CCDC6: variants seen among roughly 807,000 people sequenced by gnomAD.
The protein encoded by CCDC6 is coiled-coil domain containing 6.
In CCDC6, 20 loss-of-function variants were observed where a neutral mutation model predicts 56.6. The observed-to-expected ratio is 0.35, with a 90% CI of 0.25 to 0.51. CCDC6 has a LOEUF of 0.51. Ranked by LOEUF, CCDC6 falls within the 20% of genes least tolerant of loss-of-function variation. CCDC6 has a pLI of 0.95. For missense variants in CCDC6, 367 were observed against 601.1 expected (o/e 0.61, Z 4.07); for synonymous variants, 241 against 234.4 (o/e 1.03, Z -0.26).
chr10:59,844,871 C>T (rs1175251852), intron 2 of CCDC6, among the ~76,000 whole-genome samples: 1 of 151,768 alleles, frequency 6.6e-6, no homozygotes, highest in African/African-American at 2.4e-5. Context: ...CCAAAGAATT[C>T]ATTCTAAGCT....
At chr10:59,832,916 CAAAT>C (rs973028625) in intron 2 of CCDC6, among the ~76,000 whole-genome samples, 1 of 152,134 alleles carries the variant, frequency 6.6e-6, no homozygotes, top group African/African-American at 2.4e-5. Context: ...TATAGGCATA[CAAAT>C]AAATTTTTAA....
At chr10:59,824,060 T>G (rs551378691) in intron 3 of CCDC6, among the ~76,000 whole-genome samples, 6 of 152,312 alleles carry the variant, frequency 3.9e-5, no homozygotes, top group Admixed American at 2.6e-4. Flanking sequence ...TCATGTAACA[T>G]CATCTGTACA....
intron 5 of CCDC6, among the ~76,000 whole-genome samples, chr10:59,807,752 G>C (rs1025544954): frequency 6.6e-6 from 1 of 152,106 alleles, no homozygotes; most frequent in Non-Finnish European, 1.5e-5. Context: ...GCTGGGAAAG[G>C]AGGGAGGCCC....
chr10:59,826,300 T>C (rs964700997), intron 3 of CCDC6, among the ~76,000 whole-genome samples: 9 of 152,222 alleles, frequency 5.9e-5, no homozygotes, highest in African/African-American at 2.2e-4. Context: ...TTACTCTATA[T>C]AGTACCTGCA....
intron 5 of CCDC6, among the ~76,000 whole-genome samples, chr10:59,808,277 G>T (rs1236061132): frequency 6.6e-6 from 1 of 152,108 alleles, no homozygotes; most frequent in African/African-American, 2.4e-5. Context: ...TCTTTATGGG[G>T]ATCCAGGGTC....
At chr10:59,865,460 T>C (rs140767671) in intron 1 of CCDC6, among the ~76,000 whole-genome samples, 20 of 152,098 alleles carry the variant, frequency 1.3e-4, no homozygotes, top group Non-Finnish European at 2.9e-4. Context: ...TTAAAGGAAA[T>C]TAAAAACAAC....
intron 1 of CCDC6, among the ~76,000 whole-genome samples, chr10:59,865,873 A>AAAAAAG (rs2071172624): frequency 1.3e-5 from 2 of 151,496 alleles, no homozygotes; most frequent in African/African-American, 4.9e-5. Flanking sequence ...AAAAAAAAAA[A>AAAAAAG]AGAATACCAT....
intron 1 of CCDC6, among the ~76,000 whole-genome samples, chr10:59,890,170 A>G (rs989275304): frequency 3.3e-5 from 5 of 152,162 alleles, no homozygotes; most frequent in African/African-American, 9.7e-5. Flanking sequence ...TCCCAGTACC[A>G]CTGCAGGCTG....
intron 2 of CCDC6, among the ~76,000 whole-genome samples, chr10:59,848,198 C>T (rs1364389622): frequency 6.6e-6 from 1 of 152,196 alleles, no homozygotes; most frequent in African/African-American, 2.4e-5. Context: ...AAACTGGAAT[C>T]ACTGGGTAAG....
At chr10:59,870,012 G>C (rs2071214549) in intron 1 of CCDC6, among the ~76,000 whole-genome samples, 1 of 152,106 alleles carries the variant, frequency 6.6e-6, no homozygotes, top group East Asian at 1.9e-4. Flanking sequence ...CAAACCTAAA[G>C]AGCCCTCACC....
intron 3 of CCDC6, among the ~76,000 whole-genome samples, chr10:59,828,102 A>G (rs1400956296): frequency 6.6e-6 from 1 of 152,170 alleles, no homozygotes; most frequent in African/African-American, 2.4e-5. Flanking sequence ...GTGGCAGAAC[A>G]TATTATTCAG....
chr10:59,830,412 CT>C (rs1284189424), intron 3 of CCDC6, among the ~76,000 whole-genome samples: 1 of 152,242 alleles, frequency 6.6e-6, no homozygotes, highest in East Asian at 1.9e-4. Context: ...AACATGCCCC[CT>C]AAATGCTGAT....
At chr10:59,890,855 A>G (rs932295508) in intron 1 of CCDC6, among the ~76,000 whole-genome samples, 3 of 152,024 alleles carry the variant, frequency 2.0e-5, no homozygotes, top group Non-Finnish European at 4.4e-5. Context: ...TACATTAGGT[A>G]TATCTCCTAA....
intron 1 of CCDC6, among the ~76,000 whole-genome samples, chr10:59,903,367 A>C (rs2071518660): frequency 6.6e-6 from 1 of 152,196 alleles, no homozygotes; most frequent in African/African-American, 2.4e-5. Context: ...TTGATGGTGG[A>C]GGAGGCTGTG....
At chr10:59,825,717 T>C (rs2070782679) in intron 3 of CCDC6, among the ~76,000 whole-genome samples, 1 of 152,222 alleles carries the variant, frequency 6.6e-6, no homozygotes, top group South Asian at 2.1e-4. Flanking sequence ...TATTTTTGAA[T>C]GAATTGCCTT....
Position 59,877,678 on chromosome 10 carries a change from A to C in CCDC6, c.304-24976T>G, listed in dbSNP as rs7899565. On this transcript the variant is annotated intron_variant, in intron 1 of 8. Coordinates refer to ENST00000263102, the MANE Select transcript of CCDC6 (RefSeq NM_005436.5). ...CTTCTGTTTAGTAGGCATACACAAC[A>C]GAATATGTTAAGTTAAATGTGAGTA... is the stretch of plus-strand genomic sequence containing the variant. Among the ~76,000 whole-genome samples, 955 of 152,318 alleles carry C rather than the reference A, an allele frequency of 6.3e-3. 10 individuals carry two copies. The highest frequency in any genetic ancestry group is 0.022 in the African/African-American group (920 of 41,544).
chr10:59,808,043 G>A (rs1001132455), intron 5 of CCDC6, among the ~76,000 whole-genome samples: 5 of 152,160 alleles, frequency 3.3e-5, no homozygotes, highest in African/African-American at 7.2e-5. Flanking sequence ...TCACACACAC[G>A]TAGCGGCAGA....
chr10:59,817,840 C>T (rs1182027417), intron 3 of CCDC6, among the ~76,000 whole-genome samples: 1 of 152,182 alleles, frequency 6.6e-6, no homozygotes, highest in Non-Finnish European at 1.5e-5. Context: ...CCTTTCTGGC[C>T]TATCCATTCT....
At chr10:59,849,235 C>A (rs2071018435) in intron 2 of CCDC6, among the ~76,000 whole-genome samples, 1 of 152,154 alleles carries the variant, frequency 6.6e-6, no homozygotes, top group Admixed American at 6.5e-5. Flanking sequence ...AAGATGTAGA[C>A]TTCTCAGTCA....
Sources: gnomAD v4.1 joint callset for allele counts (sites outside exome capture counted in the v4.1 genomes callset) on GRCh38, gnomAD v4.1.1 for gene constraint, MANE v1.5 for transcripts, NCBI Gene and HGNC (gene_info 2026-07-23, HGNC 2026-07-21) for gene names.